Variants in FNDC7 observed in about 807,000 individuals in gnomAD.
FNDC7 encodes the protein fibronectin type III domain containing 7, also known as fibronectin type III domain-containing protein 7.
Under a neutral mutation model 74.2 loss-of-function variants are expected in FNDC7, and 66 were observed. The observed-to-expected ratio is 0.89, with a 90% CI of 0.73 to 1.09. The LOEUF (loss-of-function observed/expected upper bound fraction) is 1.09, where lower values mean the gene tolerates loss of function less well. Ranked by LOEUF, FNDC7 falls within the 50% of genes least tolerant of loss-of-function variation. The pLI is 0.00. For synonymous variants in FNDC7, 307 were observed against 330.2 expected (o/e 0.93, Z 0.76); for missense variants, 829 against 893.4 (o/e 0.93, Z 0.92).
chr1:108,738,236 T>C (rs1320433655), intron 11 of FNDC7, among the ~76,000 whole-genome samples: 1 of 152,184 alleles, frequency 6.6e-6, no homozygotes, highest in Non-Finnish European at 1.5e-5. Flanking sequence ...TGAGTGGGTA[T>C]ACCCCGTGGA....
At chr1:108,717,484 A>G (rs894345717) in intron 2 of FNDC7, among the ~76,000 whole-genome samples, 2 of 152,198 alleles carry the variant, frequency 1.3e-5, no homozygotes, top group African/African-American at 4.8e-5. Context: ...TCCCGTAATT[A>G]CTTCTCATTC....
intron 8 of FNDC7, among the ~76,000 whole-genome samples, chr1:108,729,472 C>A (rs1212305831): frequency 6.6e-6 from 1 of 151,992 alleles, no homozygotes; most frequent in Non-Finnish European, 1.5e-5. Context: ...TGGCGTGAAC[C>A]CAGCAAGCGG....
At chr1:108,720,592 T>A (rs1406938395) in intron 4 of FNDC7, among the ~76,000 whole-genome samples, 1 of 152,230 alleles carries the variant, frequency 6.6e-6, no homozygotes. Flanking sequence ...TAGAAATGTT[T>A]GGTTTCATGG....
chr1:108,733,662 T>A, intron 10 of FNDC7, 130 bp downstream of exon 10: 3 of 1,044,130 alleles, frequency 2.9e-6, no homozygotes, highest in Non-Finnish European at 1.3e-6. Context: ...TTTTTTTTTT[T>A]TTTTTTTTGA....
Position 108,717,852 on chromosome 1 carries a change from CG to C in FNDC7, c.161del (p.Gly54ValfsTer27). The C allele has an allele frequency of 6.4e-7, 1 of 1,551,686 alleles. No homozygotes were observed. The highest frequency in any genetic ancestry group is 1.4e-5 in the African/African-American group (1 of 73,136). Reference sequence around the variant, plus strand: ...ATCACTGTAGAATGGGCTACAGTGCCGGGTGCCACCAGTTACCTCCTCACGG... The same window carrying C: ...ATCACTGTAGAATGGGCTACAGTGCCGGTGCCACCAGTTACCTCCTCACGG... ...NSITVEWATV[P>X]GATSYLLTAE... On this transcript the variant is annotated frameshift_variant, in exon 3 of 13. Coordinates refer to ENST00000370017, the MANE Select transcript of FNDC7 (RefSeq NM_001144937.3). LOFTEE classifies it high-confidence loss of function.
intron 5 of FNDC7, among the ~76,000 whole-genome samples, chr1:108,722,992 A>G (rs1409383539): frequency 6.6e-6 from 1 of 152,162 alleles, no homozygotes; most frequent in Non-Finnish European, 1.5e-5. Context: ...TTTAAGAAAA[A>G]GATAGGATAT....
intron 6 of FNDC7, 66 bp from the exon 7 acceptor site, chr1:108,727,742 C>A: frequency 6.3e-7 from 1 of 1,578,106 alleles, no homozygotes; most frequent in Non-Finnish European, 8.6e-7. Context: ...GAGGTCAGGA[C>A]ACAGTGTACC....
At chr1:108,716,320 GGTGTGTGTGTGTGTGTGT>G (rs141850435) in intron 2 of FNDC7, among the ~76,000 whole-genome samples, 8 of 95,694 alleles carry the variant, frequency 8.4e-5, no homozygotes, top group African/African-American at 1.5e-4. Flanking sequence ...GCAGAAGAGA[GGTGTGTGTGTGTGTGTGT>G]GTGTGTGTGT....
intron 4 of FNDC7, among the ~76,000 whole-genome samples, chr1:108,719,745 TGAGAGAGAGAGAGA>T (rs67387432): frequency 1.3e-5 from 2 of 148,232 alleles, no homozygotes; most frequent in Admixed American, 6.7e-5. Flanking sequence ...GCCAAGCGAA[TGAGAGAGAGAGAGA>T]GAGAGAGAGA....
At chr1:108,728,959 C>T (rs1661281569) in intron 8 of FNDC7, 73 bp downstream of exon 8, 7 of 1,541,914 alleles carry the variant, frequency 4.5e-6, no homozygotes, top group Admixed American at 1.8e-5. Context: ...CATGAACTTC[C>T]TTATTTAATC....
intron 10 of FNDC7, among the ~76,000 whole-genome samples, chr1:108,737,070 T>C (rs1300637859): frequency 1.4e-5 from 2 of 148,144 alleles, no homozygotes; most frequent in East Asian, 3.9e-4. Context: ...CAGGTTCAAG[T>C]GATTCTCCTC....
intron 8 of FNDC7, among the ~76,000 whole-genome samples, chr1:108,729,365 C>T (rs779617407): frequency 3.3e-5 from 5 of 152,084 alleles, no homozygotes; most frequent in East Asian, 1.9e-4. Flanking sequence ...CTGGCTAACA[C>T]GGTGAAACCC....
At chr1:108,717,611 G>C in intron 2 of FNDC7, among the ~76,000 whole-genome samples, 166 bp from the exon 3 acceptor site, 1 of 152,200 alleles carries the variant, frequency 6.6e-6, no homozygotes, top group East Asian at 1.9e-4. Flanking sequence ...CTTCTGGAGA[G>C]TAGCTTTGTC....
chr1:108,726,142 A>G, intron 6 of FNDC7, 138 bp downstream of exon 6: 1 of 1,125,894 alleles, frequency 8.9e-7, no homozygotes, highest in Non-Finnish European at 1.3e-6. Flanking sequence ...CTCTTATCTC[A>G]CATTCTTTCC....
At position 108,722,691 on chromosome 1, in the gene FNDC7, A is replaced by G. The variant is rs1018906130; in HGVS notation, c.856+99A>G. 9.9e-6 allele frequency: 13 copies of G among 1,316,066 alleles called. No individual in the cohort carries two copies. In the African/African-American group the frequency reaches 1.9e-4, roughly 19 times the overall value. 81.5% of individuals were successfully genotyped at this position (1,316,066 alleles called of 1,614,324 possible). On this transcript the variant is annotated intron_variant, in intron 5 of 12. Transcript: ENST00000370017. ...GTTTCTGAATACTCTGGAAAAAATG[A>G]AAATGAAAGCCTGGTCTAAATGAAA...
chr1:108,734,195 T>C (rs1402696703), intron 10 of FNDC7: 4 of 152,180 alleles, frequency 2.6e-5, no homozygotes, highest in Admixed American at 6.5e-5. Flanking sequence ...TCCTGGGATG[T>C]TGGAAATTAG....
chr1:108,737,278 G>A (rs1292635126), intron 10 of FNDC7, among the ~76,000 whole-genome samples: 1 of 152,066 alleles, frequency 6.6e-6, no homozygotes, highest in South Asian at 2.1e-4. Context: ...GCTGAGCTTG[G>A]TATGCTTATT....
chr1:108,728,052 G>C lies in FNDC7; in HGVS notation c.1356G>C (p.Gln452His). 1.2e-6 allele frequency: 2 copies of C among 1,613,716 alleles called. No homozygotes were observed. Among genetic ancestry groups the C allele is most frequent in the Non-Finnish European group, 8.5e-7 (1 of 1,179,762 alleles). The change falls in exon 7 of 13, where the codon CAG (glutamine) becomes CAC (histidine). Residue 452 changes from glutamine (Q) to histidine (H), a missense_variant. Transcript: ENST00000370017. ...GCAGCAATATGTCATGTACTCCCCA[G>C]TTCATAACCACAGGTAAGGCACAGC... is the stretch of plus-strand genomic sequence containing the variant. ...VRGSNMSCTP[Q>H]FITTAPCSPE... is the part of the protein sequence containing the mutation.
rs1237937621 is a variant in FNDC7, at chr1:108,719,023, A to T, written c.572A>T (p.Asp191Val). 2 of 1,552,156 alleles carry T rather than the reference A, an allele frequency of 1.3e-6. No individual in the cohort carries two copies. The highest frequency in any genetic ancestry group is 1.7e-6 in the Non-Finnish European group (2 of 1,147,108). ...TGGAATGCCAACAGAATCCCTGGGG[A>T]TGACTCCACCTGCAATCAGAGAACA... ...YAWNANRIPGDDSTCNQRTSP... is the reference protein window; with the variant it reads ...YAWNANRIPGVDSTCNQRTSP... Residue 191 changes from aspartate (D) to valine (V), a missense_variant, in exon 4 of 13, where the codon GAT becomes GTT. By Grantham distance (152) the Asp-to-Val change is radical (BLOSUM62 -3). Transcript: ENST00000370017.
Sources: gnomAD v4.1 joint callset for allele counts (sites outside exome capture counted in the v4.1 genomes callset) on GRCh38, gnomAD v4.1.1 for gene constraint, MANE v1.5 for transcripts, NCBI Gene and HGNC (gene_info 2026-07-23, HGNC 2026-07-21) for gene names.